COL12A1: variants seen among roughly 807,000 people sequenced by gnomAD.
The protein encoded by COL12A1 is collagen alpha-1(XII) chain.
In COL12A1, 114 loss-of-function variants were observed where a neutral mutation model predicts 349.7. That is an observed-to-expected ratio of 0.33 (90% CI 0.28 to 0.38). COL12A1 has a LOEUF of 0.38. Ranked by LOEUF, COL12A1 falls within the 10% of genes least tolerant of loss-of-function variation. COL12A1 has a pLI of 1.00. For missense variants in COL12A1, 3,284 were observed against 3,756.9 expected, an observed-to-expected ratio of 0.87 and a Z score of 3.29; for synonymous variants, 1,369 against 1,329.0, an observed-to-expected ratio of 1.03 and a Z score of -0.66.
At chr6:75,192,454 T>C (rs1215794015) in intron 3 of COL12A1, 99 bp from the exon 4 acceptor site, 3 of 1,110,366 alleles carry the variant, frequency 2.7e-6, no homozygotes, top group Non-Finnish European at 3.8e-6. Flanking sequence ...TCTGAAAAAT[T>C]CAGTATATAC....
intron 56 of COL12A1, 22 bp from the exon 57 acceptor site, chr6:75,102,074 C>G: frequency 6.2e-7 from 1 of 1,612,188 alleles, no homozygotes; most frequent in Non-Finnish European, 8.5e-7. Flanking sequence ...AATGGGAAAA[C>G]AGTTCTCAGG....
chr6:75,104,641 A>G (rs1179807872), intron 54 of COL12A1, among the ~76,000 whole-genome samples: 4 of 152,180 alleles, frequency 2.6e-5, no homozygotes, highest in African/African-American at 7.2e-5. Context: ...GCAATCTTCA[A>G]TGTTTTGCCT....
At position 75,191,161 on chromosome 6, in the gene COL12A1, G is replaced by T. The variant is rs1049825914; in HGVS notation, c.394+540C>A. Among the ~76,000 whole-genome samples the T allele has an allele frequency of 7.9e-5, 12 of 151,886 alleles. 1 individual carries two copies. Among genetic ancestry groups the T allele is most frequent in the African/African-American group, 2.9e-4 (12 of 41,384 alleles). ...ATTACAAATGCACCAATTTATAAGA[G>T]GTGTGTTACAGAGACTCTCAAAAAG... On this transcript the variant is annotated intron_variant, in intron 5 of 65. Transcript: ENST00000322507.
chr6:75,161,071 G>GCACA (rs150624849), intron 14 of COL12A1, among the ~76,000 whole-genome samples: 4 of 151,144 alleles, frequency 2.6e-5, no homozygotes, highest in East Asian at 1.9e-4. Context: ...CCCATCCTAG[G>GCACA]CACACACACA....
Position 75,109,024 on chromosome 6 carries a change from T to C in COL12A1, c.8094A>G (p.Ser2698=). The change falls in exon 52 of 66, where the codon TCA becomes TCG. Residue 2698 remains serine, a synonymous_variant. Transcript: ENST00000322507. ...ATAAAAATGTGTTACTCACTGCGGC[T>C]GATTTCCTTTCCCCTTTAAGGAGTT... ...LGKLLKGERK[S]AAFQIQSFDI... The C allele has an allele frequency of 6.2e-7, 1 of 1,611,674 alleles. No homozygotes were observed. Among genetic ancestry groups the C allele is most frequent in the Non-Finnish European group, 8.5e-7 (1 of 1,179,178 alleles).
intron 15 of COL12A1, 126 bp downstream of exon 15, chr6:75,156,131 C>T: frequency 8.4e-7 from 1 of 1,187,320 alleles, no homozygotes; most frequent in Non-Finnish European, 1.2e-6. Flanking sequence ...TAGACATTGT[C>T]TAGTAATTAT....
intron 39 of COL12A1, among the ~76,000 whole-genome samples, chr6:75,125,892 C>T (rs1161481081): frequency 1.3e-5 from 2 of 151,978 alleles, no homozygotes; most frequent in Non-Finnish European, 2.9e-5. Flanking sequence ...ACAAAAATAA[C>T]AAATAATTTA....
At chr6:75,134,084 C>G in intron 32 of COL12A1, 87 bp from the exon 33 acceptor site, 1 of 1,430,342 alleles carries the variant, frequency 7.0e-7, no homozygotes, top group South Asian at 1.3e-5. Context: ...CCCAGGCACC[C>G]TAGAACATAG....
At chr6:75,175,771 A>G (rs1768905254) in intron 12 of COL12A1, among the ~76,000 whole-genome samples, 1 of 152,238 alleles carries the variant, frequency 6.6e-6, no homozygotes, top group Non-Finnish European at 1.5e-5. Flanking sequence ...TAAAAATGAT[A>G]AATTATAAAC....
chr6:75,182,934 G>C (rs747927514), intron 10 of COL12A1, 116 bp downstream of exon 10: 8 of 1,272,390 alleles, frequency 6.3e-6, no homozygotes, highest in Middle Eastern at 2.7e-4. Context: ...CAATAACATA[G>C]GAAAGTTACT....
chr6:75,155,685 G>C lies in COL12A1; in HGVS notation c.3420C>G (p.Asn1140Lys), dbSNP rs752420015. The C allele has an allele frequency of 7.5e-6, 12 of 1,607,580 alleles. No homozygotes were observed. In the African/African-American group the frequency reaches 1.1e-4, roughly 14 times the overall value. Residue 1140 changes from asparagine to lysine, a missense_variant, in exon 16 of 66, where the codon AAC becomes AAG. Transcript: ENST00000322507. ...LGELVVGPYD[N>K]TVVLEELRAG... Reference sequence around the variant, plus strand: ...ACCTAAGTTCCTCCAAAACAACTGTGTTGTCATAGGGTCCAACCACTAACT... The same window carrying C: ...ACCTAAGTTCCTCCAAAACAACTGTCTTGTCATAGGGTCCAACCACTAACT...
chr6:75,174,566 A>AG (rs2149450966), intron 13 of COL12A1, among the ~76,000 whole-genome samples: 1 of 152,328 alleles, frequency 6.6e-6, no homozygotes, highest in East Asian at 1.9e-4. Flanking sequence ...ACAAAAAAAA[A>AG]GAAACTTGGA....
chr6:75,145,974 T>A, intron 24 of COL12A1, 128 bp downstream of exon 24: 1 of 1,074,008 alleles, frequency 9.3e-7, no homozygotes, highest in Non-Finnish European at 1.3e-6. Context: ...ACCACAAACC[T>A]ACTTTTCTAT....
intron 39 of COL12A1, among the ~76,000 whole-genome samples, chr6:75,125,701 C>G (rs1765980737): frequency 6.6e-6 from 1 of 151,972 alleles, no homozygotes; most frequent in Non-Finnish European, 1.5e-5. Context: ...AGTTACCAAC[C>G]CCACTTTCTT....
chr6:75,139,020 A>G, intron 27 of COL12A1, 59 bp from the exon 28 acceptor site: 1 of 1,592,950 alleles, frequency 6.3e-7, no homozygotes, highest in South Asian at 1.1e-5. Flanking sequence ...AATGCAATTT[A>G]ATATAATAAA....
intron 22 of COL12A1, among the ~76,000 whole-genome samples, chr6:75,148,118 CAT>C (rs921873970): frequency 1.3e-5 from 2 of 151,368 alleles, no homozygotes; most frequent in African/African-American, 4.9e-5. Flanking sequence ...ATGAAAAAAA[CAT>C]AGTGATATTC....
chr6:75,189,119 A>G, intron 7 of COL12A1, 98 bp downstream of exon 7: 2 of 1,307,370 alleles, frequency 1.5e-6, no homozygotes, highest in Non-Finnish European at 2.1e-6. Flanking sequence ...AACACTTCTA[A>G]TAGCATCCTT....
intron 11 of COL12A1, among the ~76,000 whole-genome samples, chr6:75,180,150 CATACAGTGGA>C: frequency 6.6e-6 from 1 of 152,300 alleles, no homozygotes; most frequent in Admixed American, 6.5e-5. Context: ...GTGGTGTATA[CATACAGTGGA>C]ATATTATTCA....
chr6:75,175,268 G>A lies in COL12A1; in HGVS notation c.2480C>T (p.Thr827Met), dbSNP rs149832668. 608 of 1,614,084 alleles carry A rather than the reference G, an allele frequency of 3.8e-4. 7 individuals carry two copies. The East Asian group carries it at 0.013, about 33-fold the overall frequency. Residue 827 changes from threonine to methionine, a missense_variant, in exon 13 of 66, where the codon ACG (threonine) becomes ATG (methionine). By Grantham distance (81) the Thr-to-Met change is moderately conservative. This residue lies in a region of COL12A1 where 2,601 missense variants were observed against 2,824.8 expected (regional missense o/e 0.92). Transcript: ENST00000322507. ...ACTCCAAGATAATTTCATAGTAGAC[G>A]TCGTAGGGTCAGAAACTCTTAAGTC... The part of the protein sequence containing the change: ...PRDLRVSDPT[T>M]STMKLSWSGA...
Sources: allele counts gnomAD v4.1 joint callset (sites outside exome capture counted in the v4.1 genomes callset), GRCh38; gene constraint gnomAD v4.1.1; regional missense constraint gnomAD v4.1.1; transcripts MANE v1.5; gene names NCBI Gene and HGNC (gene_info 2026-07-23, HGNC 2026-07-21).